The following CSNK2A2IP variants were observed in gnomAD, a reference collection of about 807,000 sequenced individuals.
CSNK2A2IP encodes casein kinase II subunit alpha'-interacting protein.
the CSNK2A2IP span, among the ~76,000 whole-genome samples, chr3:88,353,531 T>A: frequency 6.6e-6 from 1 of 152,160 alleles, no homozygotes; most frequent in Non-Finnish European, 1.5e-5. Context: ...GCAACCGCAA[T>A]AAACACAGCT....
At chr3:88,396,358 G>A in the CSNK2A2IP span, among the ~76,000 whole-genome samples, 1 of 152,072 alleles carries the variant, frequency 6.6e-6, no homozygotes, top group Non-Finnish European at 1.5e-5. Flanking sequence ...GCCCGCCTCG[G>A]CCTCCCAAAG....
the CSNK2A2IP span, among the ~76,000 whole-genome samples, chr3:88,441,544 C>CT: frequency 6.6e-6 from 1 of 151,996 alleles, no homozygotes; most frequent in South Asian, 2.1e-4. Context: ...GAGTTGTTTT[C>CT]TTATCAGAGT....
the CSNK2A2IP span, among the ~76,000 whole-genome samples, chr3:88,367,955 C>T: frequency 2.8e-4 from 43 of 151,988 alleles, no homozygotes; most frequent in African/African-American, 7.5e-4. Flanking sequence ...TAGCAGTGAG[C>T]GTTCTGTTGT....
At chr3:88,392,532 T>C in the CSNK2A2IP span, among the ~76,000 whole-genome samples, 4 of 152,202 alleles carry the variant, frequency 2.6e-5, no homozygotes, top group South Asian at 2.1e-4. Context: ...ATATGTGACA[T>C]GAAAATTTAG....
the CSNK2A2IP span, among the ~76,000 whole-genome samples, chr3:88,361,024 A>G: frequency 6.6e-6 from 1 of 152,040 alleles, no homozygotes; most frequent in African/African-American, 2.4e-5. Flanking sequence ...ACTTTTTGAT[A>G]TTTTGTTGTC....
the CSNK2A2IP span, among the ~76,000 whole-genome samples, chr3:88,407,187 G>T: frequency 1.3e-5 from 2 of 150,674 alleles, no homozygotes; most frequent in Non-Finnish European, 2.9e-5. Flanking sequence ...GGGGGCGCCA[G>T]AGTGGAATTA....
chr3:88,388,580 T>C, the CSNK2A2IP span, among the ~76,000 whole-genome samples: 1 of 152,204 alleles, frequency 6.6e-6, no homozygotes, highest in Admixed American at 6.5e-5. Context: ...AATGTTAGGA[T>C]AGAGAATATA....
the CSNK2A2IP span, among the ~76,000 whole-genome samples, chr3:88,423,233 C>T: frequency 1.3e-5 from 2 of 151,954 alleles, no homozygotes; most frequent in Admixed American, 6.6e-5. Context: ...ATTCATTGTC[C>T]CTATGTAGCA....
the CSNK2A2IP span, among the ~76,000 whole-genome samples, chr3:88,449,708 C>T: frequency 6.7e-6 from 1 of 148,250 alleles, no homozygotes; most frequent in Non-Finnish European, 1.5e-5. Flanking sequence ...TGAAATCAAC[C>T]ACACTCCACA....
chr3:88,431,390 G>A, the CSNK2A2IP span: 226 of 152,326 alleles, frequency 1.5e-3, no homozygotes, highest in African/African-American at 5.0e-3. Flanking sequence ...TCACTCTTAG[G>A]TGGGAGCTAA....
At chr3:88,464,125 G>A in the CSNK2A2IP span, among the ~76,000 whole-genome samples, 328 of 147,578 alleles carry the variant, frequency 2.2e-3, 1 homozygote, top group African/African-American at 7.7e-3. Context: ...AGAACACATG[G>A]ACACAGGAAG....
chr3:88,443,826 T>C, the CSNK2A2IP span, among the ~76,000 whole-genome samples: 11 of 152,162 alleles, frequency 7.2e-5, no homozygotes, highest in Non-Finnish European at 1.3e-4. Flanking sequence ...CATTATTATT[T>C]TGATATTATT....
chr3:88,460,990 G>A, the CSNK2A2IP span, among the ~76,000 whole-genome samples: 1 of 151,820 alleles, frequency 6.6e-6, no homozygotes, highest in East Asian at 1.9e-4. Flanking sequence ...GGGAGGCTGA[G>A]GCAGGAGAAT....
chr3:88,395,055 C>T, the CSNK2A2IP span, among the ~76,000 whole-genome samples: 6 of 152,172 alleles, frequency 3.9e-5, no homozygotes, highest in Admixed American at 3.3e-4. Flanking sequence ...GTCCTTTGTT[C>T]TGTTTACGCA....
At chr3:88,408,433 T>A in the CSNK2A2IP span, among the ~76,000 whole-genome samples, 1 of 152,106 alleles carries the variant, frequency 6.6e-6, no homozygotes, top group Non-Finnish European at 1.5e-5. Context: ...CTCAATACTT[T>A]GTGGGGTGGA....
chr3:88,371,387 T>C, the CSNK2A2IP span, among the ~76,000 whole-genome samples: 3 of 151,728 alleles, frequency 2.0e-5, no homozygotes, highest in African/African-American at 4.8e-5. Flanking sequence ...CAAATGGAAA[T>C]TTTAAAATTG....
At chr3:88,363,143 G>C in the CSNK2A2IP span, among the ~76,000 whole-genome samples, 1 of 152,064 alleles carries the variant, frequency 6.6e-6, no homozygotes, top group African/African-American at 2.4e-5. Context: ...AGTGGGGATG[G>C]GCAGTATAAG....
At chr3:88,359,235 C>A in the CSNK2A2IP span, among the ~76,000 whole-genome samples, 66,408 of 151,478 alleles carry the variant, frequency 0.44, 15,812 homozygotes, top group South Asian at 0.62. Context: ...TGTAATGTCT[C>A]TTTTTTCACC....
the CSNK2A2IP span, among the ~76,000 whole-genome samples, chr3:88,344,409 C>T: frequency 2.0e-5 from 3 of 151,778 alleles, no homozygotes; most frequent in Non-Finnish European, 2.9e-5. Flanking sequence ...GTAATAACTA[C>T]AGGTTCATAT....
Sources: gnomAD v4.1 joint callset for allele counts (sites outside exome capture counted in the v4.1 genomes callset) on GRCh38, gnomAD v4.1.1 for gene constraint, MANE v1.5 for transcripts, NCBI Gene and HGNC (gene_info 2026-07-23, HGNC 2026-07-21) for gene names.